TSC22D3: variants seen among roughly 807,000 people sequenced by gnomAD.
TSC22D3 encodes TSC22 domain family protein 3.
TSC22D3 carries 4 observed loss-of-function variants against 11.1 expected under a neutral mutation model. That is an observed-to-expected ratio of 0.36 (90% confidence interval 0.18 to 0.83). The LOEUF (loss-of-function observed/expected upper bound fraction) is 0.83. TSC22D3 is among the 40% of genes least tolerant of loss of function. The probability of loss-of-function intolerance (pLI) is 0.48; values close to 1 mark genes in which losing one functional copy is unlikely to be tolerated. For synonymous variants in TSC22D3, 77 were observed against 70.3 expected (o/e 1.10, Z -0.48); for missense variants, 118 against 159.4 (o/e 0.74, Z 1.40).
In TSC22D3 at chrX:107,721,948, C is replaced by T. The variant is rs1243654194; in HGVS notation, c.321-5998G>A. On this transcript the variant is annotated intron_variant, in intron 1 of 2. Transcript: ENST00000372383. ...TTGCTTCTCGCTTATCTTCTCTCTT[C>T]CCTTCTGGTTCCACTCCAGTGTGGG... 6 of 491,190 alleles carry T rather than the reference C, an allele frequency of 1.2e-5. No homozygotes were observed. In the South Asian group the frequency reaches 1.5e-4, roughly 12 times the overall value. 40.5% of individuals were successfully genotyped at this position (491,190 alleles called of 1,213,427 possible).
intron 1 of TSC22D3, among the ~76,000 whole-genome samples, chrX:107,734,929 G>A (rs1340660849): frequency 3.3e-5 from 3 of 90,590 alleles, no homozygotes; most frequent in African/African-American, 1.4e-4. Context: ...AGATGAGGAA[G>A]CAGAACCTCA....
At chrX:107,734,277 A>T (rs995496871) in intron 1 of TSC22D3, among the ~76,000 whole-genome samples, 7 of 112,362 alleles carry the variant, frequency 6.2e-5, no homozygotes, top group Non-Finnish European at 1.3e-4. Context: ...CTCTGCTCCT[A>T]TACACAGTGA....
At chrX:107,716,752 G>A in intron 1 of TSC22D3, 1 of 1,209,987 alleles carries the variant, frequency 8.3e-7, no homozygotes, top group Non-Finnish European at 1.1e-6. Flanking sequence ...AGGAGATGGA[G>A]AAATTGTGCA....
chrX:107,724,387 A>G (rs1215699082), intron 1 of TSC22D3, among the ~76,000 whole-genome samples: 1 of 113,365 alleles, frequency 8.8e-6, no homozygotes. Context: ...GCCTGGTTTG[A>G]GAATCACTGA....
intron 1 of TSC22D3, among the ~76,000 whole-genome samples, chrX:107,743,999 T>C (rs1002324511): frequency 8.9e-6 from 1 of 112,244 alleles, no homozygotes; most frequent in African/African-American, 3.2e-5. Context: ...CCCACCAGCT[T>C]TGAGAAGGTG....
At chrX:107,742,279 G>A (rs1213489518) in intron 1 of TSC22D3, among the ~76,000 whole-genome samples, 1 of 62,749 alleles carries the variant, frequency 1.6e-5, no homozygotes, top group Admixed American at 1.7e-4. Context: ...GAGAGAGAGA[G>A]AAAGAGAGAG....
intron 1 of TSC22D3, among the ~76,000 whole-genome samples, chrX:107,773,089 C>T (rs1929974783): frequency 8.9e-6 from 1 of 112,112 alleles, no homozygotes; most frequent in Non-Finnish European, 1.9e-5. Flanking sequence ...ACCTATAATG[C>T]CACCCCACTA....
chrX:107,721,180 G>C (rs910792246), intron 1 of TSC22D3, among the ~76,000 whole-genome samples: 1 of 111,810 alleles, frequency 8.9e-6, no homozygotes, highest in Non-Finnish European at 1.9e-5. Flanking sequence ...CTTTCTCAGG[G>C]GCGACCTTCT....
intron 1 of TSC22D3, among the ~76,000 whole-genome samples, chrX:107,752,708 A>T (rs756930158): frequency 9.0e-6 from 1 of 111,259 alleles, no homozygotes; most frequent in Non-Finnish European, 1.9e-5. Flanking sequence ...ACCTGGATGG[A>T]TGAGAGCCCT....
At chrX:107,736,964 T>A (rs748246122) in intron 1 of TSC22D3, among the ~76,000 whole-genome samples, 1 of 111,813 alleles carries the variant, frequency 8.9e-6, no homozygotes, top group East Asian at 2.8e-4. Flanking sequence ...AAAGCCCAAA[T>A]GGGCTGCAAA....
intron 1 of TSC22D3, chrX:107,716,841 G>A (rs1302083121): frequency 8.3e-7 from 1 of 1,207,497 alleles, no homozygotes; most frequent in Non-Finnish European, 1.1e-6. Context: ...CTCTGGCCGG[G>A]TTTCGTGCGG....
At chrX:107,715,820 C>G (rs1381404892) in intron 2 of TSC22D3, 79 bp downstream of exon 2, 3 of 1,144,820 alleles carry the variant, frequency 2.6e-6, no homozygotes, top group Non-Finnish European at 3.6e-6. Context: ...GCTTTTTCAC[C>G]CATTCCCTCA....
At chrX:107,764,853 TG>T (rs1929592382) in intron 1 of TSC22D3, among the ~76,000 whole-genome samples, 1 of 111,654 alleles carries the variant, frequency 9.0e-6, no homozygotes, top group Non-Finnish European at 1.9e-5. Flanking sequence ...CTTCTTGTTC[TG>T]CTGGGCTTTC....
In TSC22D3 at chrX:107,775,200, G is replaced by T. The variant is rs768538946; in HGVS notation, c.220C>A (p.Leu74Ile). Residue 74 changes from leucine to isoleucine, a missense_variant, in exon 1 of 3, where the codon CTA (leucine) becomes ATA (isoleucine). Coordinates refer to ENST00000372383, the MANE Select transcript of TSC22D3 (RefSeq NM_198057.3). ...CAGGGGTCCCGCAGCACCGGCTCTAGCGAATCCTGCCGCATTATGCTGTTG... is the reference window on the plus strand; with the variant it reads ...CAGGGGTCCCGCAGCACCGGCTCTATCGAATCCTGCCGCATTATGCTGTTG... ...KLNSIMRQDSLEPVLRDPCYL... is the reference protein window; with the variant it reads ...KLNSIMRQDSIEPVLRDPCYL... 2.5e-6 allele frequency: 3 copies of T among 1,210,539 alleles called. No homozygotes were observed. Among genetic ancestry groups the T allele is most frequent in the Admixed American group, 4.4e-5 (2 of 45,899 alleles).
intron 1 of TSC22D3, among the ~76,000 whole-genome samples, chrX:107,752,538 C>T (rs1928979017): frequency 1.8e-5 from 2 of 111,945 alleles, no homozygotes; most frequent in South Asian, 7.5e-4. Flanking sequence ...GGCCAAGCTT[C>T]CTGCCCTGGA....
At chrX:107,753,297 G>GA (rs1243630601) in intron 1 of TSC22D3, among the ~76,000 whole-genome samples, 1 of 111,361 alleles carries the variant, frequency 9.0e-6, no homozygotes, top group Non-Finnish European at 1.9e-5. Context: ...GATTCCCCAT[G>GA]AATACACTGC....
At chrX:107,719,128 C>T (rs1054095128) in intron 1 of TSC22D3, among the ~76,000 whole-genome samples, 1 of 111,576 alleles carries the variant, frequency 9.0e-6, no homozygotes, top group Admixed American at 9.5e-5. Flanking sequence ...GAAAAGGGGA[C>T]AGAGAAATAA....
rs1397256537 is a variant in TSC22D3, at chrX:107,742,275, GAGAGAA to G, written c.321-26331_321-26326del. Among the ~76,000 whole-genome samples the G allele has an allele frequency of 1.0e-2, 675 of 67,627 alleles. 5 individuals are homozygous for G. Among genetic ancestry groups the G allele is most frequent in the Middle Eastern group, 0.02 (3 of 148 alleles). 58.7% of individuals were successfully genotyped at this position (67,627 alleles called of 115,157 possible). A position where few individuals can be genotyped will look rare whatever the true frequency, so the allele number is the denominator to read the frequency against. Reference sequence around the variant, plus strand: ...CACATGTATTTGAGAGAGAGAGAGAGAGAGAAAGAGAGAGAGAGAGAGAGAGAGAGA... The same window carrying G: ...CACATGTATTTGAGAGAGAGAGAGAGAGAGAGAGAGAGAGAGAGAGAGAGA... On this transcript the variant is annotated intron_variant, in intron 1 of 2. Coordinates refer to ENST00000372383, the MANE Select transcript of TSC22D3 (RefSeq NM_198057.3).
At chrX:107,734,672 T>A (rs754415679) in intron 1 of TSC22D3, among the ~76,000 whole-genome samples, 1 of 109,423 alleles carries the variant, frequency 9.1e-6, no homozygotes, top group Non-Finnish European at 1.9e-5. Flanking sequence ...CTCAGGCAGG[T>A]GAATGTGAAG....
Sources: gnomAD v4.1 joint callset for allele counts (sites outside exome capture counted in the v4.1 genomes callset) on GRCh38, gnomAD v4.1.1 for gene constraint, MANE v1.5 for transcripts, NCBI Gene and HGNC (gene_info 2026-07-23, HGNC 2026-07-21) for gene names.